TOM1: variants seen among roughly 807,000 people sequenced by gnomAD.
TOM1 encodes the protein target of Myb protein 1.
TOM1 carries 38 observed loss-of-function variants against 61.3 expected under a neutral mutation model. The observed-to-expected ratio is 0.62, with a 90% confidence interval of 0.48 to 0.81. The LOEUF (loss-of-function observed/expected upper bound fraction) is 0.81. Ranked by LOEUF, TOM1 falls within the 40% of genes least tolerant of loss-of-function variation. The probability of loss-of-function intolerance (pLI) is 0.00; values close to 1 mark genes in which losing one functional copy is unlikely to be tolerated. For synonymous variants in TOM1, 270 were observed against 268.8 expected (o/e 1.00, Z -0.04); for missense variants, 591 against 659.6 (o/e 0.90, Z 1.14).
At chr22:35,346,851 G>C (rs1405222857) in intron 13 of TOM1, 79 bp from the exon 14 acceptor site, 10 of 1,384,466 alleles carry the variant, frequency 7.2e-6, no homozygotes, top group Non-Finnish European at 9.1e-6. Context: ...AGCGGGGCCC[G>C]AGCTGCAGCA....
rs148679020 is a variant in TOM1, at chr22:35,340,668, G to T, written c.1224+1880G>T. ...AGGCTGAGGTGGGAGGATCGCTTGA[G>T]CACAGGAGGTGGAGGTTGTGGTGAG... On this transcript the variant is annotated intron_variant, in intron 12 of 14. Transcript: ENST00000449058. 3.7e-3 allele frequency among the ~76,000 whole-genome samples: 557 copies of T among 152,270 alleles called. 3 individuals are homozygous for T. Among genetic ancestry groups the T allele is most frequent in the African/African-American group, 0.013 (520 of 41,542 alleles).
At chr22:35,334,263 G>A in intron 10 of TOM1, 65 bp from the exon 11 acceptor site, 1 of 1,560,962 alleles carries the variant, frequency 6.4e-7, no homozygotes, top group Non-Finnish European at 8.7e-7. Context: ...GCAGCAGGTA[G>A]CTCAGCAGCA....
intron 1 of TOM1, among the ~76,000 whole-genome samples, chr22:35,306,669 A>G (rs776397225): frequency 2.0e-5 from 3 of 152,210 alleles, no homozygotes; most frequent in Non-Finnish European, 4.4e-5. Flanking sequence ...TTGTTGTGCT[A>G]TAAAGCACTT....
Position 35,318,115 on chromosome 22 carries a change from C to A in TOM1, c.137+154C>A, listed in dbSNP as rs1927467189. ...CGCTTGGCTGCAGAGGCCATCTGAG[C>A]CCCTAGTACCTGAGCCCCATCCAAG... On this transcript the variant is annotated intron_variant, in intron 2 of 14. Transcript: ENST00000449058. The A allele has an allele frequency of 2.9e-5, 19 of 659,862 alleles. No homozygotes were observed. In the East Asian group the frequency reaches 5.1e-4, roughly 18 times the overall value. 40.9% of individuals were successfully genotyped at this position (659,862 alleles called of 1,614,324 possible).
At chr22:35,302,961 G>C (rs952848445) in intron 1 of TOM1, among the ~76,000 whole-genome samples, 1 of 152,062 alleles carries the variant, frequency 6.6e-6, no homozygotes, top group Non-Finnish European at 1.5e-5. Flanking sequence ...GCCCCTCCTT[G>C]CTGCAGGAGT....
chr22:35,317,216 T>G (rs1046735382), intron 1 of TOM1, among the ~76,000 whole-genome samples: 1 of 152,220 alleles, frequency 6.6e-6, no homozygotes, highest in African/African-American at 2.4e-5. Context: ...GTTTTGGAGA[T>G]GGAGTTTCGC....
chr22:35,327,313 G>A lies in TOM1; in HGVS notation c.691G>A (p.Val231Met), dbSNP rs776600278. 45 of 1,613,984 alleles carry A rather than the reference G, an allele frequency of 2.8e-5. No individual in the cohort carries two copies. Among genetic ancestry groups the A allele is most frequent in the South Asian group, 1.3e-4 (12 of 91,088 alleles). The stretch of plus-strand genomic sequence containing the variant: ...TGAGCTGGAGATGGTGAGTGGGAAC[G>A]TGAGGGTGATGTCGGAGATGCTGAC... ...RSELEMVSGN[V>M]RVMSEMLTEL... The change falls in exon 7 of 15, where the codon GTG becomes ATG. Residue 231 changes from valine (V) to methionine (M), a missense_variant. Coordinates refer to ENST00000449058, the MANE Select transcript of TOM1 (RefSeq NM_005488.3).
chr22:35,328,615 C>T (rs1266108304), intron 7 of TOM1, among the ~76,000 whole-genome samples: 1 of 152,230 alleles, frequency 6.6e-6, no homozygotes, highest in Non-Finnish European at 1.5e-5. Context: ...CCACCGTGTG[C>T]TTGGTCATAA....
chr22:35,333,171 T>C, intron 9 of TOM1, 157 bp downstream of exon 9: 1 of 887,838 alleles, frequency 1.1e-6, no homozygotes, highest in Non-Finnish European at 1.8e-6. Context: ...CCTGTCCCTT[T>C]AAGGTAAATA....
intron 6 of TOM1, among the ~76,000 whole-genome samples, chr22:35,324,479 A>G (rs1004203048): frequency 3.3e-5 from 5 of 152,004 alleles, no homozygotes; most frequent in South Asian, 2.1e-4. Flanking sequence ...GTTTTCAAAC[A>G]TCTGTGCAAA....
intron 11 of TOM1, chr22:35,336,685 C>G (rs1348019612): frequency 6.6e-6 from 1 of 152,348 alleles, no homozygotes; most frequent in Non-Finnish European, 1.5e-5. Context: ...CAAGTGTCAC[C>G]CCAGTGGCCC....
intron 12 of TOM1, among the ~76,000 whole-genome samples, chr22:35,340,389 C>T (rs956594715): frequency 1.3e-5 from 2 of 152,044 alleles, no homozygotes; most frequent in African/African-American, 4.8e-5. Context: ...AGGTGGAGGC[C>T]GCGGGGAAGT....
At chr22:35,332,007 G>A (rs1303376228) in intron 8 of TOM1, among the ~76,000 whole-genome samples, 1 of 152,212 alleles carries the variant, frequency 6.6e-6, no homozygotes, top group Admixed American at 6.5e-5. Flanking sequence ...CCATGAAACA[G>A]TGTCTGTAAA....
intron 13 of TOM1, 87 bp downstream of exon 13, chr22:35,345,871 T>A: frequency 7.7e-7 from 1 of 1,304,338 alleles, no homozygotes; most frequent in Non-Finnish European, 1.1e-6. Context: ...GGTAGACTTA[T>A]ATAGCATATA....
Position 35,327,349 on chromosome 22 carries a change from C to G in TOM1, c.727C>G (p.Pro243Ala), listed in dbSNP as rs945140356. 3 of 1,613,706 alleles carry G rather than the reference C, an allele frequency of 1.9e-6. No individual in the cohort carries two copies. The African/African-American group carries it at 4.0e-5, about 22-fold the overall frequency. Residue 243 changes from proline (P) to alanine (A), a missense_variant, in exon 7 of 15, where the codon CCC becomes GCC. Transcript: ENST00000449058. The stretch of plus-strand genomic sequence containing the variant: ...GTCGGAGATGCTGACGGAGCTGGTG[C>G]CCACCCAGGCCGAGCCCGCAGACCT... ...VMSEMLTELV[P>A]TQAEPADLEL...
At chr22:35,313,641 G>A (rs1340338927) in intron 1 of TOM1, among the ~76,000 whole-genome samples, 2 of 152,172 alleles carry the variant, frequency 1.3e-5, no homozygotes, top group Non-Finnish European at 2.9e-5. Context: ...GGCCAGACTC[G>A]TCCCACTCCA....
chr22:35,305,658 C>CAAAAAA (rs137868113), intron 1 of TOM1, among the ~76,000 whole-genome samples: 1 of 130,500 alleles, frequency 7.7e-6, no homozygotes. Flanking sequence ...GACTCAATCT[C>CAAAAAA]AAAAAAAAAA....
rs528278997 is a variant in TOM1 at position 35,307,641 on chromosome 22, G to T, written c.52+7661G>T. Among the ~76,000 whole-genome samples the T allele has an allele frequency of 2.4e-4, 37 of 152,328 alleles. No individual in the cohort carries two copies. In the South Asian group the frequency reaches 7.7e-3, roughly 32 times the overall value. On this transcript the variant is annotated intron_variant, in intron 1 of 14. Coordinates refer to ENST00000449058, the MANE Select transcript of TOM1 (RefSeq NM_005488.3). Reference sequence around the variant, plus strand: ...ACCACTGTGCAAGCCCTGAGGAGGGGAACTGGGCCTCGCTCCTGCTGGGGA... The same window carrying T: ...ACCACTGTGCAAGCCCTGAGGAGGGTAACTGGGCCTCGCTCCTGCTGGGGA...
chr22:35,338,661 C>A, intron 11 of TOM1, 52 bp from the exon 12 acceptor site: 1 of 1,448,212 alleles, frequency 6.9e-7, no homozygotes. Flanking sequence ...TCCGTTCTTG[C>A]ATCAGCCATC....
Sources: gnomAD v4.1 joint callset for allele counts (sites outside exome capture counted in the v4.1 genomes callset) on GRCh38, gnomAD v4.1.1 for gene constraint, MANE v1.5 for transcripts, NCBI Gene and HGNC (gene_info 2026-07-23, HGNC 2026-07-21) for gene names.